NDUFAF2: variants seen among roughly 807,000 people sequenced by gnomAD.
NDUFAF2 encodes the protein NADH dehydrogenase [ubiquinone] 1 alpha subcomplex assembly factor 2.
A neutral mutation model predicts 22.8 loss-of-function variants in NDUFAF2; 13 were observed. The observed-to-expected ratio is 0.57, with a 90% CI of 0.37 to 0.91. NDUFAF2 has a LOEUF of 0.91. Ranked by LOEUF, NDUFAF2 falls within the 40% of genes least tolerant of loss-of-function variation. The probability of loss-of-function intolerance (pLI) is 0.01; values close to 1 mark genes in which losing one functional copy is unlikely to be tolerated. For missense variants in NDUFAF2, 162 were observed against 195.2 expected (o/e 0.83, Z 1.01); for synonymous variants, 53 against 64.2 (o/e 0.83, Z 0.84).
intron 3 of NDUFAF2, among the ~76,000 whole-genome samples, chr5:61,106,826 C>G (rs2111777765): frequency 6.6e-6 from 1 of 151,150 alleles, no homozygotes; most frequent in South Asian, 2.1e-4. Flanking sequence ...AAATAATGAC[C>G]TCCAGTTCTA....
At chr5:60,985,448 GT>G (rs1751060018) in intron 1 of NDUFAF2, among the ~76,000 whole-genome samples, 1 of 151,996 alleles carries the variant, frequency 6.6e-6, no homozygotes, top group African/African-American at 2.4e-5. Context: ...TTTTGAATGT[GT>G]TTGCTCTTGC....
chr5:61,087,232 C>T (rs1239087416), intron 2 of NDUFAF2, among the ~76,000 whole-genome samples: 6 of 152,162 alleles, frequency 3.9e-5, no homozygotes, highest in Non-Finnish European at 4.4e-5. Context: ...GAGAAGATGG[C>T]TGCCTACAAG....
chr5:60,998,146 T>C (rs1472927313), intron 1 of NDUFAF2, among the ~76,000 whole-genome samples: 3 of 152,210 alleles, frequency 2.0e-5, no homozygotes, highest in South Asian at 2.1e-4. Context: ...TTTTGGGCAA[T>C]GTAAACTTAA....
At chr5:61,006,861 G>A (rs1296292866) in intron 1 of NDUFAF2, among the ~76,000 whole-genome samples, 2 of 152,150 alleles carry the variant, frequency 1.3e-5, no homozygotes, top group Non-Finnish European at 2.9e-5. Context: ...TTTGGTCAAG[G>A]CGTTTGAATA....
chr5:60,997,758 G>A (rs1002335418), intron 1 of NDUFAF2, among the ~76,000 whole-genome samples: 1 of 152,092 alleles, frequency 6.6e-6, no homozygotes, highest in African/African-American at 2.4e-5. Flanking sequence ...CACTGTGCTT[G>A]GATTCCCTCC....
At chr5:61,104,732 A>G (rs1388761448) in intron 3 of NDUFAF2, among the ~76,000 whole-genome samples, 1 of 152,088 alleles carries the variant, frequency 6.6e-6, no homozygotes, top group Non-Finnish European at 1.5e-5. Context: ...GCCAATCCCC[A>G]TGTATTAATT....
At chr5:60,968,281 CA>C (rs1043710881) in intron 1 of NDUFAF2, among the ~76,000 whole-genome samples, 1 of 151,580 alleles carries the variant, frequency 6.6e-6, no homozygotes, top group Non-Finnish European at 1.5e-5. Flanking sequence ...TTTAGAAAAC[CA>C]ATTTCTTAGT....
chr5:61,072,050 C>CTGT (rs1752306073), intron 1 of NDUFAF2, among the ~76,000 whole-genome samples: 1 of 152,208 alleles, frequency 6.6e-6, no homozygotes, highest in South Asian at 2.1e-4. Context: ...TTTTACTTTA[C>CTGT]TGTTCTCTCT....
In NDUFAF2 at chr5:61,122,492, A is replaced by G. The variant is rs774234662; in HGVS notation, c.258+23460A>G. Among the ~76,000 whole-genome samples, 10 of 152,188 alleles carry G rather than the reference A, an allele frequency of 6.6e-5. 1 individual carries two copies. The highest frequency in any genetic ancestry group is 6.6e-4 in the Admixed American group (10 of 15,260). On this transcript the variant is annotated intron_variant, in intron 3 of 3. Transcript: ENST00000296597. ...TTATACAGAAATAATTCTGAACTCT[A>G]CACTCATTTAACTATCTTTTGAAAA...
intron 1 of NDUFAF2, among the ~76,000 whole-genome samples, chr5:61,034,287 A>G (rs1277869865): frequency 6.6e-6 from 1 of 152,192 alleles, no homozygotes; most frequent in Non-Finnish European, 1.5e-5. Context: ...GTGTCACTTA[A>G]TGATGGGGAT....
chr5:60,978,436 A>G (rs1395530755), intron 1 of NDUFAF2, among the ~76,000 whole-genome samples: 1 of 152,064 alleles, frequency 6.6e-6, no homozygotes, highest in African/African-American at 2.4e-5. Flanking sequence ...ACTTCTGGGG[A>G]GGCCTCAGGA....
At chr5:60,954,436 A>G (rs947893691) in intron 1 of NDUFAF2, among the ~76,000 whole-genome samples, 4 of 152,132 alleles carry the variant, frequency 2.6e-5, no homozygotes, top group Admixed American at 2.0e-4. Flanking sequence ...ATCACATTCC[A>G]GTTGTCTCTA....
intron 1 of NDUFAF2, among the ~76,000 whole-genome samples, chr5:61,041,758 CT>C (rs1338425296): frequency 2.0e-5 from 3 of 152,260 alleles, no homozygotes; most frequent in African/African-American, 7.2e-5. Context: ...AGTCATTGTT[CT>C]TAGTTGGTAG....
At chr5:61,028,907 A>G (rs1227120495) in intron 1 of NDUFAF2, among the ~76,000 whole-genome samples, 1 of 152,062 alleles carries the variant, frequency 6.6e-6, no homozygotes, top group African/African-American at 2.4e-5. Context: ...TTTTTAATCC[A>G]TCTGTCATCT....
At chr5:61,130,509 C>T (rs1407467538) in intron 3 of NDUFAF2, among the ~76,000 whole-genome samples, 2 of 152,116 alleles carry the variant, frequency 1.3e-5, no homozygotes, top group Admixed American at 6.6e-5. Flanking sequence ...GCCTGACTCA[C>T]TTGCCATATT....
rs1752872704 is a variant in NDUFAF2 at position 61,113,612 on chromosome 5, T to G, written c.258+14580T>G. ...ACAATCTGATGGTTTTATAAGGGGT[T>G]TTCCTCCTTTTGCTTGTCACTTCTT... On this transcript the variant is annotated intron_variant, in intron 3 of 3. Transcript: ENST00000296597. Among the ~76,000 whole-genome samples, 8 of 152,178 alleles carry G rather than the reference T, an allele frequency of 5.3e-5. No homozygotes were observed. The South Asian group carries it at 1.7e-3, about 32-fold the overall frequency.
intron 1 of NDUFAF2, among the ~76,000 whole-genome samples, chr5:61,004,088 A>C (rs1245212530): frequency 2.0e-5 from 3 of 152,072 alleles, no homozygotes; most frequent in African/African-American, 7.2e-5. Flanking sequence ...ATCCTGTAAA[A>C]TATTTGTGCC....
intron 2 of NDUFAF2, among the ~76,000 whole-genome samples, chr5:61,073,444 A>C (rs991226642): frequency 6.6e-6 from 1 of 152,240 alleles, no homozygotes; most frequent in African/African-American, 2.4e-5. Flanking sequence ...GCATTATCAG[A>C]GCTGAGACTA....
intron 2 of NDUFAF2, among the ~76,000 whole-genome samples, chr5:61,087,013 A>T (rs1367714052): frequency 6.6e-6 from 1 of 152,108 alleles, no homozygotes; most frequent in East Asian, 1.9e-4. Context: ...GTTCCCCCAC[A>T]CTCTTCTACC....
Sources: gnomAD v4.1 joint callset for allele counts (sites outside exome capture counted in the v4.1 genomes callset) on GRCh38, gnomAD v4.1.1 for gene constraint, MANE v1.5 for transcripts, NCBI Gene and HGNC (gene_info 2026-07-23, HGNC 2026-07-21) for gene names.